KCNIP4: variants seen among roughly 807,000 people sequenced by gnomAD.
KCNIP4 encodes Kv channel-interacting protein 4.
KCNIP4 carries 12 observed loss-of-function variants against 34.0 expected under a neutral mutation model. The observed-to-expected ratio is 0.35, with a 90% CI of 0.23 to 0.57. The LOEUF (loss-of-function observed/expected upper bound fraction) is 0.57. Among genes scored for constraint, KCNIP4 ranks in the 20% least tolerant of loss-of-function variants. The probability of loss-of-function intolerance (pLI) is 0.83; values close to 1 mark genes in which losing one functional copy is unlikely to be tolerated. For synonymous variants in KCNIP4, 124 were observed against 102.2 expected (o/e 1.21, Z -1.29); for missense variants, 238 against 311.7 (o/e 0.76, Z 1.78).
intron 1 of KCNIP4, among the ~76,000 whole-genome samples, chr4:21,293,560 G>T (rs150375430): frequency 0.014 from 2,122 of 152,240 alleles, 24 homozygotes; most frequent in South Asian, 0.032. Flanking sequence ...ACAGAGATAG[G>T]CAGAGAGACA....
At chr4:21,920,161 C>A (rs1299238353) in intron 1 of KCNIP4, among the ~76,000 whole-genome samples, 2 of 152,104 alleles carry the variant, frequency 1.3e-5, no homozygotes, top group African/African-American at 4.8e-5. Flanking sequence ...GTATGTGGAA[C>A]TGTTAATAAA....
intron 1 of KCNIP4, among the ~76,000 whole-genome samples, chr4:21,351,102 G>A (rs914625550): frequency 3.9e-5 from 6 of 152,118 alleles, no homozygotes; most frequent in Non-Finnish European, 5.9e-5. Flanking sequence ...TAATTAGGCT[G>A]AAATGACAGG....
intron 1 of KCNIP4, among the ~76,000 whole-genome samples, chr4:21,494,087 T>C (rs1732641495): frequency 6.6e-6 from 1 of 152,182 alleles, no homozygotes; most frequent in Non-Finnish European, 1.5e-5. Flanking sequence ...TTTAATCACA[T>C]GGCAACTCAG....
At position 21,644,422 on chromosome 4, in the gene KCNIP4, T is replaced by C. The variant is rs116662503; in HGVS notation, c.61+304149A>G. Among the ~76,000 whole-genome samples, 701 of 152,256 alleles carry C rather than the reference T, an allele frequency of 4.6e-3. 7 individuals carry two copies. Among genetic ancestry groups the C allele is most frequent in the South Asian group, 0.025 (121 of 4,824 alleles). On this transcript the variant is annotated intron_variant, in intron 1 of 8. Coordinates refer to ENST00000382152, the MANE Select transcript of KCNIP4 (RefSeq NM_025221.6). The stretch of plus-strand genomic sequence containing the variant: ...CTTGTTCTGTGGGAAGTGATGCATA[T>C]CTTGAGGGGCATAGATCCAAATTGT...
chr4:20,746,528 A>G (rs973620577), intron 5 of KCNIP4, among the ~76,000 whole-genome samples: 6 of 152,170 alleles, frequency 3.9e-5, no homozygotes, highest in African/African-American at 1.4e-4. Context: ...TAATTAAAAA[A>G]AAAATCCCCC....
At chr4:21,519,395 CATATGTGT>C (rs1465691246) in intron 1 of KCNIP4, among the ~76,000 whole-genome samples, 1 of 149,770 alleles carries the variant, frequency 6.7e-6, no homozygotes, top group African/African-American at 2.5e-5. Flanking sequence ...TGTATATATA[CATATGTGT>C]GTATATGTAT....
intron 1 of KCNIP4, among the ~76,000 whole-genome samples, chr4:21,778,481 G>A (rs1391373579): frequency 6.6e-6 from 1 of 151,640 alleles, no homozygotes; most frequent in African/African-American, 2.4e-5. Flanking sequence ...CTCCCACCTC[G>A]GCCTCCCAAA....
rs568766564 is a variant in KCNIP4, at chr4:21,925,223, T to C, written c.61+23348A>G. ...ACATTAGGTATATCTCCTAATGTTA[T>C]CCCTTCCCCCTCCCCCCACCCCACA... On this transcript the variant is annotated intron_variant, in intron 1 of 8. Transcript: ENST00000382152. Among the ~76,000 whole-genome samples, 170 of 151,386 alleles carry C rather than the reference T, an allele frequency of 1.1e-3. 4 individuals are homozygous for C. In the South Asian group the frequency reaches 0.034, roughly 30 times the overall value.
At chr4:21,026,028 C>T (rs775926337) in intron 1 of KCNIP4, among the ~76,000 whole-genome samples, 1 of 151,844 alleles carries the variant, frequency 6.6e-6, no homozygotes, top group Admixed American at 6.6e-5. Context: ...GTCTAATGGC[C>T]CTGAAAATAA....
intron 1 of KCNIP4, among the ~76,000 whole-genome samples, chr4:20,950,837 C>T (rs1006573416): frequency 2.0e-5 from 3 of 152,102 alleles, no homozygotes; most frequent in Admixed American, 6.5e-5. Context: ...ACATTAAATG[C>T]AGGGTGCACT....
At chr4:20,735,234 G>A (rs1277738697) in intron 5 of KCNIP4, among the ~76,000 whole-genome samples, 2 of 152,168 alleles carry the variant, frequency 1.3e-5, no homozygotes, top group Non-Finnish European at 2.9e-5. Flanking sequence ...AACTGGAAAG[G>A]ACAGACTGCC....
chr4:21,104,365 T>C (rs1748274559), intron 1 of KCNIP4, among the ~76,000 whole-genome samples: 1 of 152,368 alleles, frequency 6.6e-6, no homozygotes, highest in South Asian at 2.1e-4. Flanking sequence ...CATTTTTTCA[T>C]GTGTCTGTTG....
intron 1 of KCNIP4, among the ~76,000 whole-genome samples, chr4:21,249,146 G>A (rs1022394394): frequency 2.0e-5 from 3 of 152,014 alleles, no homozygotes; most frequent in African/African-American, 4.8e-5. Flanking sequence ...TAAGAAGGGG[G>A]CTAATATTTT....
chr4:21,094,273 G>A (rs1747272798), intron 1 of KCNIP4, among the ~76,000 whole-genome samples: 1 of 152,094 alleles, frequency 6.6e-6, no homozygotes, highest in African/African-American at 2.4e-5. Flanking sequence ...GACAACAAAG[G>A]TAGTGGCAGA....
chr4:21,847,302 AAAG>A (rs1262621313), intron 1 of KCNIP4: 2 of 152,158 alleles, frequency 1.3e-5, no homozygotes, highest in Non-Finnish European at 2.9e-5. Context: ...GGGTATTTCA[AAAG>A]AAGACCAGAC....
At chr4:21,330,979 G>A (rs920887467) in intron 1 of KCNIP4, among the ~76,000 whole-genome samples, 2 of 152,108 alleles carry the variant, frequency 1.3e-5, no homozygotes, top group African/African-American at 4.8e-5. Flanking sequence ...GATCAGGACC[G>A]AAATTAAATA....
At chr4:21,699,100 G>C (rs1414554402) in intron 1 of KCNIP4, among the ~76,000 whole-genome samples, 2 of 152,290 alleles carry the variant, frequency 1.3e-5, no homozygotes, top group South Asian at 4.1e-4. Flanking sequence ...CCCTAAGTTT[G>C]AAATAGGCAG....
At chr4:20,899,845 A>G (rs537270603) in intron 1 of KCNIP4, among the ~76,000 whole-genome samples, 6 of 152,268 alleles carry the variant, frequency 3.9e-5, no homozygotes, top group South Asian at 4.1e-4. Context: ...GTCTCCAAGA[A>G]CATATTCTTC....
intron 1 of KCNIP4, among the ~76,000 whole-genome samples, chr4:21,124,256 C>A (rs1328724528): frequency 6.6e-6 from 1 of 152,078 alleles, no homozygotes; most frequent in East Asian, 1.9e-4. Context: ...AAGAAAAAGG[C>A]AAATCATGTA....
Sources: allele counts gnomAD v4.1 joint callset (sites outside exome capture counted in the v4.1 genomes callset), GRCh38; gene constraint gnomAD v4.1.1; transcripts MANE v1.5; gene names NCBI Gene and HGNC (gene_info 2026-07-23, HGNC 2026-07-21).